Variants in CSMD1 observed in about 807,000 individuals in gnomAD.
CSMD1 encodes the protein CUB and sushi domain-containing protein 1.
CSMD1 carries 213 observed loss-of-function variants against 417.5 expected under a neutral mutation model. The observed-to-expected ratio is 0.51, with a 90% CI of 0.46 to 0.57. The LOEUF is 0.57. Among genes scored for constraint, CSMD1 ranks in the 20% least tolerant of loss-of-function variants. The pLI is 0.00. For missense variants in CSMD1, 6,923 were observed against 4,529.7 expected (o/e 1.53, Z -15.17); for synonymous variants, 2,862 against 1,736.8 (o/e 1.65, Z -16.11).
intron 3 of CSMD1, among the ~76,000 whole-genome samples, chr8:4,286,562 C>T (rs1185306344): frequency 1.3e-5 from 2 of 152,084 alleles, no homozygotes; most frequent in African/African-American, 2.4e-5. Flanking sequence ...GGCATGATCA[C>T]GAGGACACCC....
chr8:4,989,132 T>C (rs1316033520), intron 1 of CSMD1, among the ~76,000 whole-genome samples: 1 of 152,242 alleles, frequency 6.6e-6, no homozygotes, highest in Non-Finnish European at 1.5e-5. Context: ...AATGGACAAC[T>C]AGTTTGCTAA....
intron 3 of CSMD1, among the ~76,000 whole-genome samples, chr8:4,161,731 A>AT (rs755366738): frequency 7.5e-4 from 114 of 152,266 alleles, no homozygotes; most frequent in Middle Eastern, 3.4e-3. Context: ...TGCTGCCATC[A>AT]TTTTTTACTG....
At chr8:3,797,409 C>T (rs979530797) in intron 5 of CSMD1, among the ~76,000 whole-genome samples, 2 of 151,922 alleles carry the variant, frequency 1.3e-5, no homozygotes, top group Non-Finnish European at 2.9e-5. Context: ...ATGGAAATTT[C>T]ATTTTTCCTC....
At chr8:3,323,478 C>A (rs985680952) in intron 23 of CSMD1, among the ~76,000 whole-genome samples, 1 of 152,118 alleles carries the variant, frequency 6.6e-6, no homozygotes, top group Non-Finnish European at 1.5e-5. Flanking sequence ...TACTCCACAC[C>A]CATGATCTTA....
chr8:3,327,675 G>A (rs995896730), intron 23 of CSMD1, among the ~76,000 whole-genome samples: 33 of 152,280 alleles, frequency 2.2e-4, no homozygotes, highest in African/African-American at 7.2e-4. Flanking sequence ...GAATAGAACC[G>A]AAGAAATGAG....
chr8:4,040,438 G>A (rs1797827671), intron 3 of CSMD1, among the ~76,000 whole-genome samples: 1 of 152,162 alleles, frequency 6.6e-6, no homozygotes, highest in South Asian at 2.1e-4. Context: ...TTAAGAACTG[G>A]TAGTAGAGCT....
At chr8:4,935,560 C>T (rs2117211068) in intron 1 of CSMD1, among the ~76,000 whole-genome samples, 1 of 152,184 alleles carries the variant, frequency 6.6e-6, no homozygotes, top group Non-Finnish European at 1.5e-5. Flanking sequence ...ACACTTTTTT[C>T]TGAATTTCAA....
chr8:4,251,662 T>C (rs946736387), intron 3 of CSMD1, among the ~76,000 whole-genome samples: 5 of 152,164 alleles, frequency 3.3e-5, no homozygotes, highest in Non-Finnish European at 7.4e-5. Context: ...TCTCATTTAA[T>C]AGTCTGGGAT....
Position 4,628,423 on chromosome 8 carries a change from T to C in CSMD1, c.302+8919A>G, listed in dbSNP as rs1276263987. 2.8e-3 allele frequency among the ~76,000 whole-genome samples: 289 copies of C among 102,662 alleles called. 1 individual carries two copies. Among genetic ancestry groups the C allele is most frequent in the South Asian group, 0.012 (31 of 2,654 alleles). 67.4% of individuals were successfully genotyped at this position (102,662 alleles called of 152,430 possible). On this transcript the variant is annotated intron_variant, in intron 2 of 69. Transcript: ENST00000635120. ...ATATATATACACATATATATACATA[T>C]ATATACACATATACACATATATACA...
intron 5 of CSMD1, among the ~76,000 whole-genome samples, chr8:3,799,499 G>A (rs576320907): frequency 3.4e-4 from 50 of 146,888 alleles, no homozygotes; most frequent in Non-Finnish European, 6.7e-4. Context: ...TGGATTTGAA[G>A]AAGTAAAGCA....
At chr8:3,109,192 G>A (rs998779638) in intron 43 of CSMD1, among the ~76,000 whole-genome samples, 4 of 152,194 alleles carry the variant, frequency 2.6e-5, no homozygotes, top group Non-Finnish European at 5.9e-5. Flanking sequence ...TTGAACCCAG[G>A]AGGCGCTGGT....
At chr8:4,600,463 T>C (rs1156900714) in intron 2 of CSMD1, among the ~76,000 whole-genome samples, 1 of 152,236 alleles carries the variant, frequency 6.6e-6, no homozygotes, top group African/African-American at 2.4e-5. Context: ...CAATGCCTTT[T>C]CTTGAAGTCT....
At chr8:4,748,685 G>T (rs1448983003) in intron 1 of CSMD1, among the ~76,000 whole-genome samples, 4 of 152,252 alleles carry the variant, frequency 2.6e-5, no homozygotes, top group African/African-American at 9.6e-5. Context: ...AGTTTGTAGG[G>T]GGTGAATAGC....
chr8:4,796,440 C>T (rs543551984), intron 1 of CSMD1, among the ~76,000 whole-genome samples: 10 of 152,004 alleles, frequency 6.6e-5, no homozygotes, highest in Non-Finnish European at 1.3e-4. Flanking sequence ...TTCTCCTCTG[C>T]CCCTTTGTAA....
chr8:4,993,854 A>T (rs1045338701), intron 1 of CSMD1, among the ~76,000 whole-genome samples: 1 of 151,940 alleles, frequency 6.6e-6, no homozygotes, highest in Non-Finnish European at 1.5e-5. Context: ...ACCTTTGCCT[A>T]TTGGTACCAA....
chr8:3,719,590 G>T (rs548251377), intron 6 of CSMD1, among the ~76,000 whole-genome samples: 1 of 152,306 alleles, frequency 6.6e-6, no homozygotes, highest in Non-Finnish European at 1.5e-5. Context: ...TCTTGCAAGA[G>T]TGCTGTGATG....
At chr8:4,727,940 C>T (rs1585007250) in intron 1 of CSMD1, among the ~76,000 whole-genome samples, 2 of 126,738 alleles carry the variant, frequency 1.6e-5, no homozygotes, top group South Asian at 2.5e-4. Context: ...TATATATATA[C>T]AAAATATATA....
chr8:3,214,334 A>T (rs1225291056), intron 30 of CSMD1, among the ~76,000 whole-genome samples, 163 bp downstream of exon 30: 1 of 152,238 alleles, frequency 6.6e-6, no homozygotes, highest in Non-Finnish European at 1.5e-5. Flanking sequence ...TAGCTGCATT[A>T]AATGATCAAT....
In CSMD1 at chr8:3,650,867, A is replaced by G. The variant is rs184490248; in HGVS notation, c.1010-34070T>C. Among the ~76,000 whole-genome samples the G allele has an allele frequency of 7.2e-5, 11 of 152,224 alleles. No individual in the cohort carries two copies. In the East Asian group the frequency reaches 1.5e-3, roughly 21 times the overall value. On this transcript the variant is annotated intron_variant, in intron 7 of 69. Coordinates refer to ENST00000635120, the MANE Select transcript of CSMD1 (RefSeq NM_033225.6). ...GACATCTCCCCTGTATGTAACTATG[A>G]CTATGTAACATCTCTTCTGGAATAT... is the stretch of plus-strand genomic sequence containing the variant.
Sources: gnomAD v4.1 joint callset for allele counts (sites outside exome capture counted in the v4.1 genomes callset) on GRCh38, gnomAD v4.1.1 for gene constraint, MANE v1.5 for transcripts, NCBI Gene and HGNC (gene_info 2026-07-23, HGNC 2026-07-21) for gene names.